Variants in CNTNAP5 observed in about 807,000 individuals in gnomAD.
CNTNAP5 encodes the protein contactin associated protein family member 5.
CNTNAP5 carries 72 observed loss-of-function variants against 150.2 expected under a neutral mutation model. That is an observed-to-expected ratio of 0.48 (90% confidence interval 0.40 to 0.58). CNTNAP5 has a LOEUF of 0.58. CNTNAP5 is among the 20% of genes least tolerant of loss of function. CNTNAP5 has a pLI of 0.00. For missense variants in CNTNAP5, 1,636 were observed against 1,626.2 expected, an observed-to-expected ratio of 1.01 and a Z score of -0.10; for synonymous variants, 672 against 619.8, an observed-to-expected ratio of 1.08 and a Z score of -1.25.
At chr2:124,189,026 T>G (rs1205908477) in intron 1 of CNTNAP5, among the ~76,000 whole-genome samples, 1 of 152,168 alleles carries the variant, frequency 6.6e-6, no homozygotes, top group Non-Finnish European at 1.5e-5. Flanking sequence ...AGTTTCCTCC[T>G]GCCAAACAGA....
intron 1 of CNTNAP5, among the ~76,000 whole-genome samples, chr2:124,187,079 C>G (rs976924636): frequency 2.0e-5 from 3 of 152,094 alleles, no homozygotes; most frequent in African/African-American, 7.2e-5. Flanking sequence ...TCTCCTGTGA[C>G]ATACAGTACA....
intron 12 of CNTNAP5, among the ~76,000 whole-genome samples, chr2:124,625,010 A>G (rs1431384322): frequency 6.6e-6 from 1 of 152,222 alleles, no homozygotes; most frequent in Non-Finnish European, 1.5e-5. Flanking sequence ...AGCAAACGGT[A>G]AAGCCAGGAA....
At chr2:124,201,334 G>A (rs1163194326) in intron 1 of CNTNAP5, among the ~76,000 whole-genome samples, 4 of 152,220 alleles carry the variant, frequency 2.6e-5, no homozygotes, top group Admixed American at 6.5e-5. Flanking sequence ...ATCACTCAGT[G>A]AGTCAGAAGA....
At chr2:124,748,376 T>G (rs996992092) in intron 14 of CNTNAP5, among the ~76,000 whole-genome samples, 2 of 152,172 alleles carry the variant, frequency 1.3e-5, no homozygotes. Flanking sequence ...ATCAATTTAG[T>G]TTGAAGCTTC....
At chr2:124,155,856 T>C (rs1684513884) in intron 1 of CNTNAP5, among the ~76,000 whole-genome samples, 1 of 152,186 alleles carries the variant, frequency 6.6e-6, no homozygotes, top group African/African-American at 2.4e-5. Flanking sequence ...TCTGTGATAC[T>C]TCAGGGAAAG....
intron 1 of CNTNAP5, among the ~76,000 whole-genome samples, chr2:124,129,081 A>AT (rs1683785473): frequency 6.6e-6 from 1 of 151,174 alleles, no homozygotes. Flanking sequence ...AAATAAATAA[A>AT]AAATACCCAT....
intron 11 of CNTNAP5, among the ~76,000 whole-genome samples, chr2:124,569,695 A>C (rs2104937731): frequency 6.6e-6 from 1 of 152,262 alleles, no homozygotes; most frequent in East Asian, 1.9e-4. Context: ...GCTCTCTGAC[A>C]TCCTAACAAT....
At chr2:124,034,591 G>A (rs1359372139) in intron 1 of CNTNAP5, among the ~76,000 whole-genome samples, 1 of 152,192 alleles carries the variant, frequency 6.6e-6, no homozygotes, top group Non-Finnish European at 1.5e-5. Flanking sequence ...GAAACTGCTA[G>A]CTGAGAAACT....
At chr2:124,149,366 T>C (rs1684344188) in intron 1 of CNTNAP5, among the ~76,000 whole-genome samples, 1 of 139,878 alleles carries the variant, frequency 7.1e-6, no homozygotes, top group South Asian at 2.2e-4. Context: ...AACATGCATT[T>C]GCTAGCATAC....
Position 124,713,233 on chromosome 2 carries a change from TTCTTTCTTTCTCTTTC to T in CNTNAP5, c.2078-33994_2078-33979del, listed in dbSNP as rs1679848381. Among the ~76,000 whole-genome samples the T allele has an allele frequency of 2.3e-4, 11 of 48,530 alleles. 1 individual carries two copies. Among genetic ancestry groups the T allele is most frequent in the African/African-American group, 7.8e-4 (11 of 14,134 alleles). 31.8% of individuals were successfully genotyped at this position (48,530 alleles called of 152,430 possible). A position where few individuals can be genotyped will look rare whatever the true frequency, so the allele number is the denominator to read the frequency against. ...TTTCTTTCTCTGTTTCTTTCTTTCT[TTCTTTCTTTCTCTTTC>T]TTTCTTTCTTTCTTTCTTTCTTTCT... On this transcript the variant is annotated intron_variant, in intron 13 of 23. Coordinates refer to ENST00000682447, the MANE Select transcript of CNTNAP5 (RefSeq NM_001367498.1).
chr2:124,692,815 C>A (rs2105080954), intron 13 of CNTNAP5, among the ~76,000 whole-genome samples: 1 of 152,188 alleles, frequency 6.6e-6, no homozygotes. Flanking sequence ...CCAAAAGAAA[C>A]TGCACAGTGA....
Position 124,768,271 on chromosome 2 carries a change from ATGTGTGTG to A in CNTNAP5, c.2533+4156_2533+4163del, listed in dbSNP as rs10598326. On this transcript the variant is annotated intron_variant, in intron 16 of 23. Transcript: ENST00000682447. ...AACTGTACATATATATACTGTATGT[ATGTGTGTG>A]TGTGTGTGTGTGTGTGTGTGTGTGT... 3.9e-3 allele frequency among the ~76,000 whole-genome samples: 512 copies of A among 131,314 alleles called. 3 individuals are homozygous for A. Among genetic ancestry groups the A allele is most frequent in the South Asian group, 0.015 (66 of 4,436 alleles). The allele number at this position is 131,314 out of a possible 152,430, so 86.1% of individuals were successfully genotyped here.
chr2:124,410,374 C>T (rs560059330), intron 3 of CNTNAP5, among the ~76,000 whole-genome samples: 67 of 151,856 alleles, frequency 4.4e-4, no homozygotes, highest in Middle Eastern at 6.8e-3. Flanking sequence ...CTGCACCAAG[C>T]GGACCTAATA....
chr2:124,311,733 A>G (rs1688836448), intron 3 of CNTNAP5, among the ~76,000 whole-genome samples: 1 of 152,190 alleles, frequency 6.6e-6, no homozygotes. Context: ...AAGTCACCTG[A>G]CGGTCACGTG....
intron 13 of CNTNAP5, among the ~76,000 whole-genome samples, chr2:124,660,831 C>T (rs1678572185): frequency 6.6e-6 from 1 of 151,162 alleles, no homozygotes; most frequent in Non-Finnish European, 1.5e-5. Context: ...GTAATCCCAG[C>T]TACTAAGGAG....
In CNTNAP5 at chr2:124,242,369, G is replaced by T; in HGVS notation, c.357G>T (p.Gln119His). 1 of 1,613,070 alleles carries T rather than the reference G, an allele frequency of 6.2e-7. No homozygotes were observed. Among genetic ancestry groups the T allele is most frequent in the Non-Finnish European group, 8.5e-7 (1 of 1,179,538 alleles). Residue 119 changes from glutamine to histidine, a missense_variant, in exon 3 of 24, where the codon CAG (glutamine) becomes CAT (histidine). By Grantham distance (24) the Gln-to-His change is conservative. Coordinates refer to ENST00000682447, the MANE Select transcript of CNTNAP5 (RefSeq NM_001367498.1). The stretch of plus-strand genomic sequence containing the variant: ...GTGACACAGGACGCAACTGGAAACA[G>T]TACAAACAAGAAGACAGCATCTGGG... ...MFSDTGRNWK[Q>H]YKQEDSIWTF...
At chr2:124,733,291 AT>A (rs1427457717) in intron 13 of CNTNAP5, among the ~76,000 whole-genome samples, 2 of 152,156 alleles carry the variant, frequency 1.3e-5, no homozygotes, top group Admixed American at 1.3e-4. Context: ...TTTAAGAGAA[AT>A]AGCCCGATAT....
chr2:124,428,937 G>A (rs1392063197), intron 4 of CNTNAP5, among the ~76,000 whole-genome samples: 1 of 152,146 alleles, frequency 6.6e-6, no homozygotes, highest in Non-Finnish European at 1.5e-5. Flanking sequence ...AAGAGCCCAT[G>A]TCTACCCTTT....
chr2:124,527,814 G>C (rs1018601912), intron 10 of CNTNAP5, among the ~76,000 whole-genome samples: 1 of 152,132 alleles, frequency 6.6e-6, no homozygotes, highest in Non-Finnish European at 1.5e-5. Context: ...TCACTGCTGT[G>C]GGTGTCCTTT....
Sources: allele counts gnomAD v4.1 joint callset (sites outside exome capture counted in the v4.1 genomes callset), GRCh38; gene constraint gnomAD v4.1.1; transcripts MANE v1.5; gene names NCBI Gene and HGNC (gene_info 2026-07-23, HGNC 2026-07-21).